The following TFEC variants were observed in gnomAD, a reference collection of about 807,000 sequenced individuals.
TFEC encodes class E basic helix-loop-helix protein 34.
Under a neutral mutation model 41.6 loss-of-function variants are expected in TFEC, and 31 were observed. The observed-to-expected ratio is 0.74, with a 90% CI of 0.56 to 1.01. The LOEUF is 1.01. TFEC is among the 50% of genes least tolerant of loss of function. The pLI is 0.00. For missense variants in TFEC, 402 were observed against 404.1 expected (o/e 0.99, Z 0.04); for synonymous variants, 143 against 140.6 (o/e 1.02, Z -0.12).
chr7:115,963,578 G>A (rs903608466), intron 3 of TFEC, among the ~76,000 whole-genome samples: 3 of 151,662 alleles, frequency 2.0e-5, no homozygotes, highest in African/African-American at 7.3e-5. Flanking sequence ...AATGGAATAG[G>A]CTTAAAAGGA....
At chr7:115,962,778 T>TA (rs1190399783) in intron 3 of TFEC, among the ~76,000 whole-genome samples, 2 of 151,838 alleles carry the variant, frequency 1.3e-5, no homozygotes, top group Non-Finnish European at 2.9e-5. Context: ...ATGTATTTCT[T>TA]AAGAGATTAA....
intron 1 of TFEC, among the ~76,000 whole-genome samples, chr7:116,124,285 A>G (rs543118341): frequency 3.9e-5 from 6 of 152,192 alleles, no homozygotes; most frequent in African/African-American, 1.2e-4. Context: ...AAAACGGGGG[A>G]AAAAAGAAAT....
chr7:115,965,131 GA>G (rs1375040892), intron 3 of TFEC, among the ~76,000 whole-genome samples: 12 of 151,670 alleles, frequency 7.9e-5, no homozygotes, highest in African/African-American at 2.9e-4. Flanking sequence ...ACGTTGATAT[GA>G]AAGTAATTCT....
chr7:116,153,882 G>A (rs1462589286), intron 1 of TFEC, among the ~76,000 whole-genome samples: 2 of 152,180 alleles, frequency 1.3e-5, no homozygotes, highest in African/African-American at 4.8e-5. Context: ...TGAGCTGTGA[G>A]ATAACTTCAA....
chr7:115,953,859 T>C (rs1053094920), intron 5 of TFEC, among the ~76,000 whole-genome samples: 7 of 152,084 alleles, frequency 4.6e-5, no homozygotes, highest in Non-Finnish European at 1.0e-4. Flanking sequence ...AGGAAATTAG[T>C]CATTAGTTTT....
At chr7:116,137,746 G>A (rs942795083) in intron 1 of TFEC, among the ~76,000 whole-genome samples, 3 of 152,010 alleles carry the variant, frequency 2.0e-5, no homozygotes, top group African/African-American at 7.2e-5. Context: ...GGGCTTTTTA[G>A]TTCACAAGTC....
intron 1 of TFEC, among the ~76,000 whole-genome samples, chr7:116,019,246 A>C (rs974723814): frequency 6.6e-6 from 1 of 152,158 alleles, no homozygotes; most frequent in Non-Finnish European, 1.5e-5. Context: ...AACTTTTACA[A>C]CAATTTCATC....
intron 3 of TFEC, among the ~76,000 whole-genome samples, chr7:116,089,786 T>A (rs768232534): frequency 3.3e-5 from 5 of 152,142 alleles, no homozygotes; most frequent in African/African-American, 4.8e-5. Flanking sequence ...TAAATGTTAA[T>A]TAACCACTAG....
intron 1 of TFEC, among the ~76,000 whole-genome samples, chr7:116,148,686 A>G (rs1004902017): frequency 1.3e-5 from 2 of 152,204 alleles, no homozygotes; most frequent in African/African-American, 4.8e-5. Flanking sequence ...TTCAATAGGA[A>G]GAGGGAAGAC....
chr7:116,080,236 G>A (rs1313698243), intron 3 of TFEC, among the ~76,000 whole-genome samples: 1 of 151,606 alleles, frequency 6.6e-6, no homozygotes, highest in Non-Finnish European at 1.5e-5. Context: ...TCTAGACATT[G>A]GGAAAACCCT....
At chr7:115,990,893 A>T (rs1794078304) in intron 1 of TFEC, among the ~76,000 whole-genome samples, 1 of 152,140 alleles carries the variant, frequency 6.6e-6, no homozygotes, top group African/African-American at 2.4e-5. Flanking sequence ...CCACAAAGAT[A>T]CTCCTCGAGA....
chr7:116,102,378 G>A (rs1389833291), intron 3 of TFEC, among the ~76,000 whole-genome samples: 1 of 152,150 alleles, frequency 6.6e-6, no homozygotes. Flanking sequence ...ATCAATCATA[G>A]TCACATTTAG....
rs3028673 is a variant in TFEC, at chr7:115,946,396, C to CGTGTGTGTGTGT, written c.516-4368_516-4357dup. ...GTGCTTTAAAATCTCAGAAACATAA[C>CGTGTGTGTGTGT]GTGTGTGTGTGTGTGTGTGTGTGTG... On this transcript the variant is annotated intron_variant, in intron 6 of 7. Coordinates refer to ENST00000265440, the MANE Select transcript of TFEC (RefSeq NM_012252.4). Among the ~76,000 whole-genome samples the CGTGTGTGTGTGT allele has an allele frequency of 1.2e-3, 142 of 123,146 alleles. 3 individuals carry two copies. The highest frequency in any genetic ancestry group is 6.9e-3 in the Admixed American group (84 of 12,120). The allele number at this position is 123,146 out of a possible 152,430, so 80.8% of individuals were successfully genotyped here.
intron 3 of TFEC, among the ~76,000 whole-genome samples, chr7:116,061,700 T>C (rs1194195631): frequency 6.6e-6 from 1 of 152,120 alleles, no homozygotes; most frequent in Non-Finnish European, 1.5e-5. Flanking sequence ...TTTCAAATCT[T>C]GTAGTTGATG....
At chr7:115,978,929 C>T (rs549788903) in intron 2 of TFEC, among the ~76,000 whole-genome samples, 1 of 152,244 alleles carries the variant, frequency 6.6e-6, no homozygotes, top group East Asian at 1.9e-4. Flanking sequence ...TTCAGGTTCT[C>T]AAGGGGATTT....
intron 3 of TFEC, among the ~76,000 whole-genome samples, chr7:115,965,701 T>A (rs1584602024): frequency 6.6e-6 from 1 of 151,820 alleles, no homozygotes; most frequent in Admixed American, 6.6e-5. Context: ...TGCTGCTCTA[T>A]AAGAAAATAA....
chr7:116,105,916 C>T (rs747143466), intron 3 of TFEC, among the ~76,000 whole-genome samples: 43 of 152,038 alleles, frequency 2.8e-4, no homozygotes, highest in Admixed American at 1.1e-3. Flanking sequence ...CTTCCATTCC[C>T]GAGTAAGATG....
chr7:115,951,311 C>T (rs977878153), intron 5 of TFEC, among the ~76,000 whole-genome samples: 7 of 151,994 alleles, frequency 4.6e-5, no homozygotes, highest in African/African-American at 1.4e-4. Flanking sequence ...TGTAATCATT[C>T]GAGGTCGTGC....
At chr7:116,061,783 A>T (rs1796563063) in intron 3 of TFEC, among the ~76,000 whole-genome samples, 1 of 151,968 alleles carries the variant, frequency 6.6e-6, no homozygotes, top group Admixed American at 6.6e-5. Context: ...AAGAGAAAAA[A>T]CTCTTTGAAC....
Sources: allele counts gnomAD v4.1 joint callset (sites outside exome capture counted in the v4.1 genomes callset), GRCh38; gene constraint gnomAD v4.1.1; transcripts MANE v1.5; gene names NCBI Gene and HGNC (gene_info 2026-07-23, HGNC 2026-07-21).